DIP2C: variants seen among roughly 807,000 people sequenced by gnomAD.
The protein encoded by DIP2C is DIP2 acetate--CoA ligase C (putative), also known as disco-interacting protein 2 homolog C.
Under a neutral mutation model 192.4 loss-of-function variants are expected in DIP2C, and 33 were observed. The ratio of observed to expected loss-of-function variants is 0.17; its 90% CI spans 0.13 to 0.23. The LOEUF (loss-of-function observed/expected upper bound fraction) is 0.23, where lower values mean the gene tolerates loss of function less well. Ranked by LOEUF, DIP2C falls within the 10% of genes least tolerant of loss-of-function variation. DIP2C has a pLI of 1.00. For missense variants in DIP2C, 1,537 were observed against 2,110.1 expected (o/e 0.73, Z 5.32); for synonymous variants, 979 against 864.1 (o/e 1.13, Z -2.33).
intron 18 of DIP2C, among the ~76,000 whole-genome samples, chr10:368,830 C>G (rs951670129): frequency 6.6e-6 from 1 of 152,236 alleles, no homozygotes; most frequent in African/African-American, 2.4e-5. Flanking sequence ...AGAAAAGAGA[C>G]GGGTTCCCTT....
At chr10:318,831 G>A (rs1480692963) in intron 31 of DIP2C, among the ~76,000 whole-genome samples, 1 of 151,934 alleles carries the variant, frequency 6.6e-6, no homozygotes, top group Non-Finnish European at 1.5e-5. Context: ...GAGAGCTCAA[G>A]TTAATGAAAG....
chr10:489,393 A>G lies in DIP2C; in HGVS notation c.86-2863T>C, dbSNP rs149683997. Among the ~76,000 whole-genome samples the G allele has an allele frequency of 1.7e-3, 253 of 152,372 alleles. 3 individuals carry two copies. The highest frequency in any genetic ancestry group is 5.9e-3 in the African/African-American group (246 of 41,586). ...GGTAGATAATAGATGATGCATATAG[A>G]CAGACGACAGAGATGATGGACAGAT... On this transcript the variant is annotated intron_variant, in intron 1 of 36. Transcript: ENST00000280886.
chr10:572,164 C>A (rs1017069912), intron 1 of DIP2C, among the ~76,000 whole-genome samples: 1 of 152,232 alleles, frequency 6.6e-6, no homozygotes, highest in Non-Finnish European at 1.5e-5. Flanking sequence ...CTGGGGCCCT[C>A]GACAGCCTCA....
chr10:434,914 CGCCGTAGTTTGAAAA>C (rs1236187573), intron 4 of DIP2C, among the ~76,000 whole-genome samples: 1 of 152,040 alleles, frequency 6.6e-6, no homozygotes, highest in Non-Finnish European at 1.5e-5. Flanking sequence ...ATCTTTGATT[CGCCGTAGTTTGAAAA>C]TTATATGCCC....
At chr10:354,777 G>A (rs952581050) in intron 24 of DIP2C, among the ~76,000 whole-genome samples, 6 of 152,048 alleles carry the variant, frequency 3.9e-5, no homozygotes, top group African/African-American at 1.4e-4. Flanking sequence ...GGAGGCTGGA[G>A]TTAGTGCTGC....
intron 1 of DIP2C, among the ~76,000 whole-genome samples, chr10:524,366 ATTACC>A (rs1846921933): frequency 6.6e-6 from 1 of 152,202 alleles, no homozygotes; most frequent in South Asian, 2.1e-4. Context: ...AAATTATTTA[ATTACC>A]TTCATGGTCA....
chr10:380,316 G>GA, intron 17 of DIP2C, among the ~76,000 whole-genome samples: 2 of 151,818 alleles, frequency 1.3e-5, no homozygotes, highest in Non-Finnish European at 2.9e-5. Flanking sequence ...GCTGTCCCTG[G>GA]AAGATGGTTA....
chr10:474,040 A>ACTGT (rs2133453477), intron 2 of DIP2C, among the ~76,000 whole-genome samples: 1 of 152,334 alleles, frequency 6.6e-6, no homozygotes, highest in East Asian at 1.9e-4. Flanking sequence ...TGAGGACTGA[A>ACTGT]CTGTCTGCTG....
At position 380,580 on chromosome 10, in the gene DIP2C, T is replaced by C. The variant is rs139186715; in HGVS notation, c.1991+2067A>G. On this transcript the variant is annotated intron_variant, in intron 17 of 36. Coordinates refer to ENST00000280886, the MANE Select transcript of DIP2C (RefSeq NM_014974.3). ...ATCCAAACAGGCATAATCCGTCCTC[T>C]ACAGACCCTTCTCTGCAACAAAACA... Among the ~76,000 whole-genome samples, 924 of 152,356 alleles carry C rather than the reference T, an allele frequency of 6.1e-3. 4 individuals are homozygous for C. The highest frequency in any genetic ancestry group is 0.014 in the Middle Eastern group (4 of 294).
chr10:421,403 C>A (rs913859898), intron 5 of DIP2C, among the ~76,000 whole-genome samples: 2 of 152,180 alleles, frequency 1.3e-5, no homozygotes, highest in African/African-American at 2.4e-5. Flanking sequence ...TCCGAGGATA[C>A]AAATGCTTCC....
chr10:326,427 C>T (rs368134198), intron 31 of DIP2C, among the ~76,000 whole-genome samples: 130 of 152,240 alleles, frequency 8.5e-4, no homozygotes, highest in African/African-American at 2.6e-3. Flanking sequence ...GCACACCAAC[C>T]GTTTGCCTCA....
intron 5 of DIP2C, among the ~76,000 whole-genome samples, chr10:420,953 G>A (rs1054638792): frequency 5.3e-5 from 8 of 152,170 alleles, no homozygotes; most frequent in African/African-American, 1.9e-4. Flanking sequence ...GCAGACGCAC[G>A]ATCACACACG....
At chr10:577,876 G>C (rs925009688) in intron 1 of DIP2C, among the ~76,000 whole-genome samples, 1 of 151,394 alleles carries the variant, frequency 6.6e-6, no homozygotes, top group African/African-American at 2.4e-5. Context: ...CTTTTGGAAA[G>C]TTGGGAGCAA....
Position 504,796 on chromosome 10 carries a change from T to C in DIP2C, c.86-18266A>G, listed in dbSNP as rs548033095. ...TTTTCAGCTTCATAACAGAAGGCAA[T>C]AGCTATATAAACCAAATCGCACTAT... On this transcript the variant is annotated intron_variant, in intron 1 of 36. Transcript: ENST00000280886. Among the ~76,000 whole-genome samples, 3 of 152,274 alleles carry C rather than the reference T, an allele frequency of 2.0e-5. No individual in the cohort carries two copies. In the South Asian group the frequency reaches 6.2e-4, roughly 32 times the overall value.
intron 1 of DIP2C, chr10:665,697 C>A (rs1186155314): frequency 1.3e-5 from 2 of 152,282 alleles, no homozygotes; most frequent in Non-Finnish European, 2.9e-5. Flanking sequence ...AACCACAGCG[C>A]CAGATTCCCA....
At position 344,798 on chromosome 10, in the gene DIP2C, AC is replaced by A. The variant is rs1387466638; in HGVS notation, c.3453+10del. 75 of 1,573,694 alleles carry A rather than the reference AC, an allele frequency of 4.8e-5. No homozygotes were observed. Among genetic ancestry groups the A allele is most frequent in the African/African-American group, 9.4e-5 (7 of 74,362 alleles). On this transcript the variant is annotated intron_variant, in intron 28 of 36. Transcript: ENST00000280886. ...GCCTCCATGGCCACCGCCCGCAGCC[AC>A]CCCCCTCACCTTTACGCCAGCTAGC...
intron 1 of DIP2C, among the ~76,000 whole-genome samples, chr10:597,768 T>C (rs1023731312): frequency 6.6e-6 from 1 of 152,134 alleles, no homozygotes; most frequent in Admixed American, 6.5e-5. Context: ...AAGCTTGAGG[T>C]TAAAGAGAAT....
chr10:502,660 G>A (rs561590751), intron 1 of DIP2C, among the ~76,000 whole-genome samples: 2 of 152,216 alleles, frequency 1.3e-5, no homozygotes, highest in East Asian at 3.9e-4. Context: ...ACAGCACACA[G>A]TCAAAGTGTA....
chr10:589,360 T>C (rs543179054), intron 1 of DIP2C, among the ~76,000 whole-genome samples: 1 of 152,328 alleles, frequency 6.6e-6, no homozygotes, highest in Non-Finnish European at 1.5e-5. Flanking sequence ...CCTTGTTTTC[T>C]TCCCTATGGA....
Sources: gnomAD v4.1 joint callset for allele counts (sites outside exome capture counted in the v4.1 genomes callset) on GRCh38, gnomAD v4.1.1 for gene constraint, MANE v1.5 for transcripts, NCBI Gene and HGNC (gene_info 2026-07-23, HGNC 2026-07-21) for gene names.